The following CDH4 variants were observed in gnomAD, a reference collection of about 807,000 sequenced individuals.
CDH4 encodes the protein cadherin 4.
CDH4 carries 33 observed loss-of-function variants against 86.0 expected under a neutral mutation model. The observed-to-expected ratio is 0.38, with a 90% CI of 0.29 to 0.51. CDH4 has a LOEUF of 0.51. Among genes scored for constraint, CDH4 ranks in the 20% least tolerant of loss-of-function variants. The probability of loss-of-function intolerance (pLI) is 0.86; values close to 1 mark genes in which losing one functional copy is unlikely to be tolerated. For synonymous variants in CDH4, 555 were observed against 549.4 expected (o/e 1.01, Z -0.14); for missense variants, 1,114 against 1,307.4 (o/e 0.85, Z 2.28).
chr20:61,678,238 T>C (rs1352453845), intron 2 of CDH4, among the ~76,000 whole-genome samples: 1 of 151,936 alleles, frequency 6.6e-6, no homozygotes, highest in Non-Finnish European at 1.5e-5. Flanking sequence ...ACATAGATTA[T>C]GGATGGATAG....
At chr20:61,547,057 A>G (rs1048654865) in intron 2 of CDH4, among the ~76,000 whole-genome samples, 3 of 151,824 alleles carry the variant, frequency 2.0e-5, no homozygotes, top group Non-Finnish European at 4.4e-5. Context: ...CCTCCCTTCT[A>G]TATCCTTTCC....
chr20:61,663,000 A>AGGCACT, intron 2 of CDH4, among the ~76,000 whole-genome samples: 1 of 152,092 alleles, frequency 6.6e-6, no homozygotes, highest in African/African-American at 2.4e-5. Flanking sequence ...CCCTCCCCAC[A>AGGCACT]GGCACTGGCA....
At chr20:61,827,295 G>A (rs1020799110) in intron 4 of CDH4, among the ~76,000 whole-genome samples, 3 of 152,162 alleles carry the variant, frequency 2.0e-5, no homozygotes, top group South Asian at 4.1e-4. Flanking sequence ...ACTTTAAGAC[G>A]TGATAATTTT....
chr20:61,287,536 A>G (rs1200729182), intron 2 of CDH4, among the ~76,000 whole-genome samples: 1 of 152,166 alleles, frequency 6.6e-6, no homozygotes, highest in East Asian at 1.9e-4. Flanking sequence ...TTCATTTTCT[A>G]CAGTGGGGTA....
intron 6 of CDH4, among the ~76,000 whole-genome samples, chr20:61,863,534 A>G (rs4925306): frequency 0.91 from 138,639 of 152,226 alleles, 64,476 homozygotes; most frequent in East Asian, 1. Context: ...TCTTTCCTGC[A>G]GGGAGCCCAG....
chr20:61,774,626 T>C (rs923543533), intron 4 of CDH4, among the ~76,000 whole-genome samples: 1 of 152,182 alleles, frequency 6.6e-6, no homozygotes, highest in Non-Finnish European at 1.5e-5. Flanking sequence ...ACCCATCACC[T>C]AGGTATTAAG....
intron 2 of CDH4, among the ~76,000 whole-genome samples, chr20:61,535,991 C>G (rs2085994222): frequency 6.6e-6 from 1 of 152,150 alleles, no homozygotes; most frequent in South Asian, 2.1e-4. Context: ...GTATTTCAAC[C>G]CAGCAGACCC....
intron 2 of CDH4, among the ~76,000 whole-genome samples, chr20:61,404,799 C>T (rs766718493): frequency 2.2e-4 from 34 of 151,868 alleles, no homozygotes; most frequent in Non-Finnish European, 3.7e-4. Flanking sequence ...GCCTGTAATC[C>T]CAGCACTTTA....
intron 2 of CDH4, among the ~76,000 whole-genome samples, chr20:61,710,389 C>T (rs945373653): frequency 6.6e-6 from 1 of 152,220 alleles, no homozygotes; most frequent in African/African-American, 2.4e-5. Context: ...GAAGGCGGTA[C>T]AGGAACTCCC....
At position 61,480,357 on chromosome 20, in the gene CDH4, C is replaced by CT. The variant is rs1254072403; in HGVS notation, c.169+225421dup. 6.6e-6 allele frequency among the ~76,000 whole-genome samples: 1 copy of CT among 152,206 alleles called. No homozygotes were observed. Among genetic ancestry groups the CT allele is most frequent in the Non-Finnish European group, 1.5e-5 (1 of 68,034 alleles). On this transcript the variant is annotated intron_variant, in intron 2 of 15. Transcript: ENST00000614565. This position sits in a 1 kb window ranked among gnomAD's most constrained non-coding sequence, Gnocchi z 5.2. ...TGTGCCACTGCCTCAGCACCATTGT[C>CT]TGTCTATTTTGTTTGGGTTTCCCGT...
chr20:61,279,442 C>A (rs912111650), intron 2 of CDH4, among the ~76,000 whole-genome samples: 2 of 152,066 alleles, frequency 1.3e-5, no homozygotes, highest in Non-Finnish European at 2.9e-5. Flanking sequence ...GGGAACTGGC[C>A]CTGGGGTTTG....
chr20:61,286,382 A>T (rs2123174939), intron 2 of CDH4, among the ~76,000 whole-genome samples: 1 of 152,276 alleles, frequency 6.6e-6, no homozygotes, highest in South Asian at 2.1e-4. Flanking sequence ...TGCGAAGCTC[A>T]CTTGTCCAGC....
chr20:61,262,421 G>T (rs986717746), intron 2 of CDH4, among the ~76,000 whole-genome samples: 21 of 152,182 alleles, frequency 1.4e-4, no homozygotes, highest in Non-Finnish European at 2.2e-4. Context: ...ACCCCTTGCG[G>T]CGAAGCCCCT....
chr20:61,681,304 T>C lies in CDH4; in HGVS notation c.170-62259T>C, dbSNP rs1317760768. Among the ~76,000 whole-genome samples the C allele has an allele frequency of 6.6e-6, 1 of 152,250 alleles. No homozygotes were observed. The highest frequency in any genetic ancestry group is 2.4e-5 in the African/African-American group (1 of 41,466). On this transcript the variant is annotated intron_variant, in intron 2 of 15. Coordinates refer to ENST00000614565, the MANE Select transcript of CDH4 (RefSeq NM_001794.5). The surrounding 1 kb of genome is among the most constrained non-coding windows in gnomAD (Gnocchi z 4.5). The stretch of plus-strand genomic sequence containing the variant: ...CTTTTTGCAAGGCTTGGTATGAATT[T>C]TCTCTTTTGTCCAAATCATACAAAA...
chr20:61,761,513 A>C (rs1419795251), intron 3 of CDH4, among the ~76,000 whole-genome samples: 5 of 152,162 alleles, frequency 3.3e-5, no homozygotes, highest in African/African-American at 9.7e-5. Context: ...GGTCAGCCAC[A>C]TATTTACCCA....
At chr20:61,906,034 C>T (rs908436383) in intron 8 of CDH4, among the ~76,000 whole-genome samples, 2 of 152,226 alleles carry the variant, frequency 1.3e-5, no homozygotes, top group African/African-American at 4.8e-5. Flanking sequence ...CGGCTCCCAA[C>T]CAACCCAACA....
Position 61,324,287 on chromosome 20 carries a change from T to C in CDH4, c.169+69350T>C, listed in dbSNP as rs568700175. On this transcript the variant is annotated intron_variant, in intron 2 of 15. Transcript: ENST00000614565. ...AGGAATTTGAATATTAAATTGAAAC[T>C]GATTGCATTAGTGTCCTGGGGCTGC... Among the ~76,000 whole-genome samples the C allele has an allele frequency of 4.6e-5, 7 of 152,266 alleles. No individual in the cohort carries two copies. In the South Asian group the frequency reaches 1.5e-3, roughly 32 times the overall value.
intron 2 of CDH4, among the ~76,000 whole-genome samples, chr20:61,419,280 T>G (rs1431779506): frequency 6.6e-6 from 1 of 152,178 alleles, no homozygotes; most frequent in Admixed American, 6.5e-5. Context: ...GGTTCTTGTC[T>G]CTGCTCATCA....
At chr20:61,795,518 A>C (rs913822740) in intron 4 of CDH4, among the ~76,000 whole-genome samples, 1 of 152,200 alleles carries the variant, frequency 6.6e-6, no homozygotes, top group African/African-American at 2.4e-5. Context: ...CCCCAGGACG[A>C]CACATACGTT....
Sources: allele counts gnomAD v4.1 joint callset (sites outside exome capture counted in the v4.1 genomes callset), GRCh38; gene constraint gnomAD v4.1.1; non-coding constraint Gnocchi (gnomAD v3.1); transcripts MANE v1.5; gene names NCBI Gene and HGNC (gene_info 2026-07-23, HGNC 2026-07-21).